The following TYR variants were observed in gnomAD, a reference collection of about 807,000 sequenced individuals.
TYR encodes LB24-AB.
In TYR, 58 loss-of-function variants were observed where a neutral mutation model predicts 51.5. The ratio of observed to expected loss-of-function variants is 1.13; its 90% confidence interval spans 0.91 to 1.40. The LOEUF is 1.40. TYR is among the 40% of genes most tolerant of loss of function. The pLI, the probability that TYR is intolerant of heterozygous loss-of-function variation, is 0.00. For synonymous variants in TYR, 263 were observed against 235.2 expected (o/e 1.12, Z -1.08); for missense variants, 732 against 647.4 (o/e 1.13, Z -1.42).
chr11:89,286,177 A>G (rs1286723971), intron 4 of TYR, among the ~76,000 whole-genome samples: 2 of 151,854 alleles, frequency 1.3e-5, no homozygotes, highest in Non-Finnish European at 1.5e-5. Flanking sequence ...GGTTCAACCT[A>G]AAAAGAGAAA....
chr11:89,227,999 T>G, intron 3 of TYR, 29 bp downstream of exon 3: 3 of 1,611,742 alleles, frequency 1.9e-6, no homozygotes, highest in Non-Finnish European at 2.5e-6. Flanking sequence ...ATAAATAACG[T>G]GCTCATTGGA....
chr11:89,290,836 T>A (rs982620549), intron 4 of TYR, among the ~76,000 whole-genome samples: 3 of 151,986 alleles, frequency 2.0e-5, no homozygotes, highest in African/African-American at 7.2e-5. Context: ...AGTAAATTTA[T>A]AGTATCTTCT....
At position 89,191,311 on chromosome 11, in the gene TYR, C is replaced by T. The variant is rs1000148629; in HGVS notation, c.929C>T (p.Pro310Leu). Residue 310 changes from proline to leucine, a missense_variant, in exon 2 of 5, where the codon CCA (proline) becomes CTA (leucine). Coordinates refer to ENST00000263321, the MANE Select transcript of TYR (RefSeq NM_000372.5). ...GGAAACCATGACAAATCCAGAACCC[C>T]AAGGCTCCCCTCTTCAGCTGATGTA... ...NPGNHDKSRTPRLPSSADVEF... is the reference protein window; with the variant it reads ...NPGNHDKSRTLRLPSSADVEF... 5.0e-6 allele frequency: 8 copies of T among 1,613,748 alleles called. No individual in the cohort carries two copies. Among genetic ancestry groups the T allele is most frequent in the Non-Finnish European group, 5.9e-6 (7 of 1,179,796 alleles).
At chr11:89,198,849 G>A (rs932112450) in intron 2 of TYR, among the ~76,000 whole-genome samples, 3 of 151,832 alleles carry the variant, frequency 2.0e-5, no homozygotes, top group East Asian at 1.9e-4. Flanking sequence ...ATGTTGGTGT[G>A]TGCTGCACCC....
At chr11:89,255,184 T>C (rs1944375441) in intron 3 of TYR, among the ~76,000 whole-genome samples, 1 of 151,778 alleles carries the variant, frequency 6.6e-6, no homozygotes, top group Non-Finnish European at 1.5e-5. Context: ...GAGTACTTGA[T>C]ATAATTTCAA....
chr11:89,212,735 CCA>C (rs1943776737), intron 2 of TYR, among the ~76,000 whole-genome samples: 1 of 152,134 alleles, frequency 6.6e-6, no homozygotes, highest in Non-Finnish European at 1.5e-5. Context: ...AAAAGCTTAT[CCA>C]CCACAATCAA....
intron 2 of TYR, among the ~76,000 whole-genome samples, chr11:89,226,555 G>A (rs1014399860): frequency 1.3e-5 from 2 of 151,982 alleles, no homozygotes; most frequent in Non-Finnish European, 2.9e-5. Flanking sequence ...TTCAAAAGGA[G>A]GTAAAAGGAG....
intron 1 of TYR, among the ~76,000 whole-genome samples, chr11:89,183,152 T>C (rs931940306): frequency 6.6e-5 from 10 of 152,162 alleles, no homozygotes; most frequent in Non-Finnish European, 1.3e-4. Flanking sequence ...GCTTTTAATA[T>C]CTGGCAGTTT....
intron 4 of TYR, among the ~76,000 whole-genome samples, chr11:89,291,654 T>C (rs1375856433): frequency 2.0e-5 from 3 of 152,104 alleles, no homozygotes; most frequent in South Asian, 2.1e-4. Context: ...TTTTATCAAA[T>C]ATTATAAGCA....
At chr11:89,199,485 G>C (rs1187446485) in intron 2 of TYR, among the ~76,000 whole-genome samples, 1 of 152,172 alleles carries the variant, frequency 6.6e-6, no homozygotes, top group African/African-American at 2.4e-5. Context: ...ACTGGAAAGA[G>C]AGAAAGAGAG....
chr11:89,236,162 T>C (rs1280434897), intron 3 of TYR, among the ~76,000 whole-genome samples: 4 of 151,894 alleles, frequency 2.6e-5, no homozygotes, highest in Non-Finnish European at 4.4e-5. Context: ...AAATATTTAA[T>C]AGCTAGCCGT....
intron 4 of TYR, among the ~76,000 whole-genome samples, chr11:89,293,214 G>T (rs1323050855): frequency 6.6e-6 from 1 of 152,030 alleles, no homozygotes; most frequent in Non-Finnish European, 1.5e-5. Context: ...TTAATTTGAT[G>T]TGATTTATTT....
intron 2 of TYR, among the ~76,000 whole-genome samples, chr11:89,220,065 C>G (rs1178175647): frequency 6.6e-6 from 1 of 151,916 alleles, no homozygotes; most frequent in Non-Finnish European, 1.5e-5. Context: ...GATAATTGGC[C>G]AAAATTCTGA....
At chr11:89,264,637 T>C (rs1944502683) in intron 3 of TYR, among the ~76,000 whole-genome samples, 1 of 151,838 alleles carries the variant, frequency 6.6e-6, no homozygotes, top group Non-Finnish European at 1.5e-5. Flanking sequence ...TGTAGCACTA[T>C]TCACAATAGC....
intron 3 of TYR, among the ~76,000 whole-genome samples, chr11:89,235,165 A>G (rs935607196): frequency 6.6e-6 from 1 of 152,190 alleles, no homozygotes; most frequent in Non-Finnish European, 1.5e-5. Flanking sequence ...ACCTCTTATC[A>G]AAAAGATAAA....
intron 3 of TYR, among the ~76,000 whole-genome samples, chr11:89,284,294 C>T (rs1944754548): frequency 6.6e-6 from 1 of 151,802 alleles, no homozygotes; most frequent in Admixed American, 6.6e-5. Context: ...CATCAAGACT[C>T]ATTAAGCCCA....
chr11:89,286,674 T>C (rs1490770148), intron 4 of TYR, among the ~76,000 whole-genome samples: 1 of 151,804 alleles, frequency 6.6e-6, no homozygotes, highest in African/African-American at 2.4e-5. Flanking sequence ...AATTGAACTT[T>C]TCTGCTTTAT....
At position 89,295,593 on chromosome 11, in the gene TYR, A is replaced by G. The variant is rs1396250123; in HGVS notation, c.*227A>G. 1 of 546,908 alleles carries G rather than the reference A, an allele frequency of 1.8e-6. No homozygotes were observed. Among genetic ancestry groups the G allele is most frequent in the African/African-American group, 1.9e-5 (1 of 52,964 alleles). 33.9% of individuals were successfully genotyped at this position (546,908 alleles called of 1,614,324 possible). A position where few individuals can be genotyped will look rare whatever the true frequency, so the allele number is the denominator to read the frequency against. ...CATTTTCCCCTAAGCCCATATGTCT[A>G]AGGAAAGGATGCTATTTGGTAATGA... On this transcript the variant is annotated 3_prime_UTR_variant, in exon 5 of 5. Coordinates refer to ENST00000263321, the MANE Select transcript of TYR (RefSeq NM_000372.5).
chr11:89,221,764 T>G (rs1290998079), intron 2 of TYR, among the ~76,000 whole-genome samples: 1 of 152,222 alleles, frequency 6.6e-6, no homozygotes, highest in African/African-American at 2.4e-5. Context: ...TTCTTTTTAT[T>G]TCCTCTTCTC....
Sources: allele counts gnomAD v4.1 joint callset (sites outside exome capture counted in the v4.1 genomes callset), GRCh38; gene constraint gnomAD v4.1.1; transcripts MANE v1.5; gene names NCBI Gene and HGNC (gene_info 2026-07-23, HGNC 2026-07-21).